RPS6KA2: variants seen among roughly 807,000 people sequenced by gnomAD.
RPS6KA2 encodes the protein ribosomal protein S6 kinase A2.
A neutral mutation model predicts 91.8 loss-of-function variants in RPS6KA2; 42 were observed. The observed-to-expected ratio is 0.46, with a 90% CI of 0.36 to 0.59. The LOEUF (loss-of-function observed/expected upper bound fraction) is 0.59. Among genes scored for constraint, RPS6KA2 ranks in the 20% least tolerant of loss-of-function variants. RPS6KA2 has a pLI of 0.00. For synonymous variants in RPS6KA2, 414 were observed against 393.6 expected (o/e 1.05, Z -0.61); for missense variants, 798 against 978.5 (o/e 0.82, Z 2.46).
At chr6:166,694,904 T>C (rs1014504400) in intron 2 of RPS6KA2, among the ~76,000 whole-genome samples, 1 of 152,248 alleles carries the variant, frequency 6.6e-6, no homozygotes, top group Non-Finnish European at 1.5e-5. Flanking sequence ...GGGTTTTAGA[T>C]ACCAATGTGA....
rs773850761 is a variant in RPS6KA2 at position 166,423,656 on chromosome 6, G to T, written c.1582-239C>A. Among the ~76,000 whole-genome samples, 1 of 152,240 alleles carries T rather than the reference G, an allele frequency of 6.6e-6. No individual in the cohort carries two copies. Among genetic ancestry groups the T allele is most frequent in the Non-Finnish European group, 1.5e-5 (1 of 68,044 alleles). Reference sequence around the variant, plus strand: ...TCCTGGTGTCACCTGCTTTTACAGTGAATGAATATTTGAGTAAATAAGTGA... The same window carrying T: ...TCCTGGTGTCACCTGCTTTTACAGTTAATGAATATTTGAGTAAATAAGTGA... On this transcript the variant is annotated intron_variant, in intron 16 of 20. Transcript: ENST00000265678. This position sits in a 1 kb window ranked among gnomAD's most constrained non-coding sequence, Gnocchi z 4.8.
chr6:166,662,915 C>T lies in RPS6KA2; in HGVS notation c.124-124131G>A, dbSNP rs1033017867. On this transcript the variant is annotated intron_variant, in intron 2 of 21. Transcript: ENST00000503859. The surrounding 1 kb of genome is among the most constrained non-coding windows in gnomAD (Gnocchi z 4.3). Reference sequence around the variant, plus strand: ...TCTGAATACGCAGAGACACCGGGGCCGCCTCTGTGTATGGAGGAACGGCCA... The same window carrying T: ...TCTGAATACGCAGAGACACCGGGGCTGCCTCTGTGTATGGAGGAACGGCCA... Among the ~76,000 whole-genome samples the T allele has an allele frequency of 5.3e-5, 8 of 152,034 alleles. No homozygotes were observed. The highest frequency in any genetic ancestry group is 5.9e-5 in the Non-Finnish European group (4 of 68,020).
At chr6:166,600,335 G>T (rs924012466) in intron 1 of RPS6KA2, among the ~76,000 whole-genome samples, 2 of 152,214 alleles carry the variant, frequency 1.3e-5, no homozygotes, top group Non-Finnish European at 2.9e-5. Flanking sequence ...GGCTTCCCAA[G>T]TGGACCATGG....
At chr6:166,714,617 G>C (rs6921614) in intron 2 of RPS6KA2, among the ~76,000 whole-genome samples, 6,829 of 152,300 alleles carry the variant, frequency 0.045, 523 homozygotes, top group African/African-American at 0.15. Flanking sequence ...CCTGGAGACA[G>C]AGGCAGAGGC....
rs574381614 is a variant in RPS6KA2, at chr6:166,455,654, G to A, written c.1075+3795C>T. On this transcript the variant is annotated intron_variant, in intron 12 of 20. Transcript: ENST00000265678. ...TTTAGAAACTGAAATTCTGCAGCGC[G>A]ACCCGGCAGAGAAGCTCGGGGCTTT... 2.3e-3 allele frequency among the ~76,000 whole-genome samples: 352 copies of A among 152,354 alleles called. 2 individuals carry two copies. The highest frequency in any genetic ancestry group is 4.2e-3 in the Non-Finnish European group (288 of 68,036).
chr6:166,745,148 C>T (rs1306427693), intron 2 of RPS6KA2, among the ~76,000 whole-genome samples: 1,238 of 105,890 alleles, frequency 0.012, 31 homozygotes, highest in African/African-American at 0.044. Context: ...CCTAATCGGC[C>T]TTTTTTTTTT....
intron 2 of RPS6KA2, among the ~76,000 whole-genome samples, chr6:166,706,443 T>TA (rs1789683051): frequency 6.6e-6 from 1 of 152,230 alleles, no homozygotes; most frequent in Non-Finnish European, 1.5e-5. Flanking sequence ...ATCATATTTA[T>TA]AAAATGTAAA....
At chr6:166,855,937 T>C (rs1342338527) in intron 2 of RPS6KA2, among the ~76,000 whole-genome samples, 4 of 152,240 alleles carry the variant, frequency 2.6e-5, no homozygotes, top group African/African-American at 9.6e-5. Context: ...GAAACAGTAA[T>C]AATTTCCTCC....
At chr6:166,682,258 G>A (rs753723176) in intron 2 of RPS6KA2, among the ~76,000 whole-genome samples, 4 of 152,188 alleles carry the variant, frequency 2.6e-5, no homozygotes, top group African/African-American at 4.8e-5. Context: ...AGACTCATGC[G>A]TCACTTAGTT....
At position 166,627,012 on chromosome 6, in the gene RPS6KA2, A is replaced by C. The variant is rs1786909606; in HGVS notation, c.8T>G (p.Leu3Arg). ...GCGCACGGCGAACTTCTTCATGCTCAGGTCCATCGCCCCGCGCCCAGCCCG... is the reference window on the plus strand; with the variant it reads ...GCGCACGGCGAACTTCTTCATGCTCCGGTCCATCGCCCCGCGCCCAGCCCG... MD[L>R]SMKKFAVRRF... The change falls in exon 1 of 21, where the codon CTG (leucine) becomes CGG (arginine). Residue 3 changes from leucine to arginine, a missense_variant. Physicochemically the swap from Leu to Arg is moderately radical, Grantham distance 102. Transcript: ENST00000265678. The C allele has an allele frequency of 6.6e-7, 1 of 1,517,058 alleles. No individual in the cohort carries two copies. The highest frequency in any genetic ancestry group is 8.9e-7 in the Non-Finnish European group (1 of 1,128,268). The allele number at this position is 1,517,058 out of a possible 1,614,324, so 94.0% of individuals were successfully genotyped here. A position where few individuals can be genotyped will look rare whatever the true frequency, so the allele number is the denominator to read the frequency against.
chr6:166,836,598 C>A (rs918534128), intron 2 of RPS6KA2, among the ~76,000 whole-genome samples: 2 of 152,162 alleles, frequency 1.3e-5, no homozygotes, highest in African/African-American at 4.8e-5. Context: ...TTATCTTCAT[C>A]GCTTTCCCCT....
intron 2 of RPS6KA2, among the ~76,000 whole-genome samples, chr6:166,824,305 G>A (rs1402566580): frequency 1.3e-5 from 2 of 152,158 alleles, no homozygotes; most frequent in African/African-American, 4.8e-5. Context: ...TACTGGACCT[G>A]GTGCACCAGT....
intron 2 of RPS6KA2, among the ~76,000 whole-genome samples, chr6:166,667,345 CAT>C (rs766228200): frequency 7.9e-5 from 12 of 152,334 alleles, no homozygotes; most frequent in South Asian, 6.2e-4. Flanking sequence ...CATAGTTACA[CAT>C]AGTTATGTCG....
intron 1 of RPS6KA2, among the ~76,000 whole-genome samples, chr6:166,546,213 C>G (rs1488850789): frequency 2.0e-5 from 3 of 152,184 alleles, no homozygotes; most frequent in Non-Finnish European, 4.4e-5. Context: ...CAGGAACGAT[C>G]TCCGAGAAGC....
Position 166,508,431 on chromosome 6 carries a change from G to A in RPS6KA2, c.380-149C>T. ...AGGACCCCGGCTGGTGACCAGCTCA[G>A]AGGGGCAGCACCCGGCAGAGGGGGT... On this transcript the variant is annotated intron_variant, in intron 4 of 20. Coordinates refer to ENST00000265678, the MANE Select transcript of RPS6KA2 (RefSeq NM_021135.6). This position sits in a 1 kb window ranked among gnomAD's most constrained non-coding sequence, Gnocchi z 4.3. 1.6e-6 allele frequency: 1 copy of A among 611,280 alleles called. No homozygotes were observed. The highest frequency in any genetic ancestry group is 3.0e-6 in the Non-Finnish European group (1 of 337,604). The allele number at this position is 611,280 out of a possible 1,614,324, so 37.9% of individuals were successfully genotyped here.
At chr6:166,686,781 C>A (rs953859241) in intron 2 of RPS6KA2, among the ~76,000 whole-genome samples, 7 of 152,184 alleles carry the variant, frequency 4.6e-5, no homozygotes, top group African/African-American at 1.7e-4. Flanking sequence ...TTTCCTGCAC[C>A]AAGCCGAGAG....
At chr6:166,628,042 C>T (rs1786961688), upstream of RPS6KA2, 4 of 152,098 alleles carry the variant, frequency 2.6e-5, no homozygotes, top group South Asian at 2.1e-4. Context: ...AGAACAAAGA[C>T]GCATCCGCCC....
intron 1 of RPS6KA2, among the ~76,000 whole-genome samples, chr6:166,552,989 C>T (rs1172337999): frequency 1.3e-5 from 2 of 152,228 alleles, no homozygotes; most frequent in African/African-American, 2.4e-5. Flanking sequence ...AACAGCTTGA[C>T]ATCTGAATGG....
intron 2 of RPS6KA2, among the ~76,000 whole-genome samples, chr6:166,722,683 G>A (rs1016990847): frequency 5.0e-4 from 76 of 152,332 alleles, no homozygotes; most frequent in African/African-American, 1.7e-3. Flanking sequence ...TTGTGGATGC[G>A]GAGCTGTTGA....
Sources: allele counts gnomAD v4.1 joint callset (sites outside exome capture counted in the v4.1 genomes callset), GRCh38; gene constraint gnomAD v4.1.1; non-coding constraint Gnocchi (gnomAD v3.1); transcripts MANE v1.5; gene names NCBI Gene and HGNC (gene_info 2026-07-23, HGNC 2026-07-21).